The following CTNNA3 variants were observed in gnomAD, a reference collection of about 807,000 sequenced individuals.
CTNNA3 encodes the protein catenin alpha 3.
A neutral mutation model predicts 95.7 loss-of-function variants in CTNNA3; 76 were observed. The observed-to-expected ratio is 0.79, with a 90% CI of 0.66 to 0.96. CTNNA3 has a LOEUF of 0.96. Ranked by LOEUF, CTNNA3 falls within the 40% of genes least tolerant of loss-of-function variation. CTNNA3 has a pLI of 0.00. For synonymous variants in CTNNA3, 431 were observed against 374.4 expected (o/e 1.15, Z -1.74); for missense variants, 1,191 against 1,089.8 (o/e 1.09, Z -1.31).
At chr10:66,447,807 A>C (rs998855843) in intron 11 of CTNNA3, among the ~76,000 whole-genome samples, 1 of 152,160 alleles carries the variant, frequency 6.6e-6, no homozygotes, top group East Asian at 1.9e-4. Flanking sequence ...AATGGCAACA[A>C]AAGCCAAAAT....
intron 7 of CTNNA3, among the ~76,000 whole-genome samples, chr10:66,809,475 C>T (rs1156969295): frequency 2.0e-5 from 3 of 151,998 alleles, no homozygotes; most frequent in Non-Finnish European, 4.4e-5. Flanking sequence ...GATCTGGGAT[C>T]CTCACAAAAT....
At chr10:67,058,861 A>G (rs1469593630) in intron 7 of CTNNA3, among the ~76,000 whole-genome samples, 1 of 152,186 alleles carries the variant, frequency 6.6e-6, no homozygotes, top group South Asian at 2.1e-4. Context: ...AATTTCTAAG[A>G]TCATAAAATG....
Position 66,294,573 on chromosome 10 carries a change from G to A in CTNNA3, c.1733-13952C>T, listed in dbSNP as rs147810429. Reference sequence around the variant, plus strand: ...GGAAGACAAGTTAGGAGGTTTTAGAGTAGGCTAGAAGAAAAGAGTTCATAA... The same window carrying A: ...GGAAGACAAGTTAGGAGGTTTTAGAATAGGCTAGAAGAAAAGAGTTCATAA... On this transcript the variant is annotated intron_variant, in intron 12 of 17. Coordinates refer to ENST00000433211, the MANE Select transcript of CTNNA3 (RefSeq NM_013266.4). Among the ~76,000 whole-genome samples the A allele has an allele frequency of 1.5e-3, 224 of 152,304 alleles. 1 individual carries two copies. The highest frequency in any genetic ancestry group is 6.8e-3 in the Middle Eastern group (2 of 294).
intron 7 of CTNNA3, among the ~76,000 whole-genome samples, chr10:67,054,095 G>C (rs1228346396): frequency 1.3e-5 from 2 of 152,118 alleles, no homozygotes; most frequent in Non-Finnish European, 2.9e-5. Context: ...AAAGTAAGCA[G>C]CTTAGTATCC....
At chr10:66,591,397 T>C (rs568391135) in intron 10 of CTNNA3, among the ~76,000 whole-genome samples, 2 of 152,262 alleles carry the variant, frequency 1.3e-5, no homozygotes, top group South Asian at 4.1e-4. Flanking sequence ...ATCAGTGCAA[T>C]TACATATCAG....
intron 10 of CTNNA3, among the ~76,000 whole-genome samples, chr10:66,559,903 G>A (rs917434597): frequency 1.3e-5 from 2 of 151,902 alleles, no homozygotes; most frequent in African/African-American, 4.8e-5. Context: ...TAATATTTGG[G>A]AAGTGTCTGT....
At chr10:67,518,879 G>GTACC (rs1417714058) in intron 5 of CTNNA3, among the ~76,000 whole-genome samples, 1 of 152,080 alleles carries the variant, frequency 6.6e-6, no homozygotes, top group East Asian at 1.9e-4. Context: ...CTCCAAGACT[G>GTACC]TACCTGCCTT....
intron 5 of CTNNA3, among the ~76,000 whole-genome samples, chr10:67,396,967 G>C (rs966348267): frequency 1.3e-5 from 2 of 152,144 alleles, no homozygotes; most frequent in African/African-American, 4.8e-5. Flanking sequence ...CAGCCATTCT[G>C]AACCGTGAGT....
chr10:67,163,952 C>A (rs1564934762), intron 7 of CTNNA3, among the ~76,000 whole-genome samples: 3 of 151,764 alleles, frequency 2.0e-5, no homozygotes, highest in South Asian at 4.2e-4. Context: ...CTGAAAACTG[C>A]AAAATGCTGA....
chr10:66,446,331 A>C (rs1467309182), intron 11 of CTNNA3, among the ~76,000 whole-genome samples: 1 of 152,134 alleles, frequency 6.6e-6, no homozygotes, highest in African/African-American at 2.4e-5. Context: ...TTATGAGGCC[A>C]GCATCATCCT....
At chr10:67,112,113 A>G (rs1195032593) in intron 7 of CTNNA3, among the ~76,000 whole-genome samples, 1 of 152,166 alleles carries the variant, frequency 6.6e-6, no homozygotes, top group Non-Finnish European at 1.5e-5. Flanking sequence ...GGAAATAATG[A>G]ACAACTGATT....
chr10:65,985,788 A>C (rs1350703300), intron 16 of CTNNA3, among the ~76,000 whole-genome samples: 1 of 151,560 alleles, frequency 6.6e-6, no homozygotes, highest in Non-Finnish European at 1.5e-5. Context: ...CCATTAGCTA[A>C]GAGAAAGAAA....
chr10:67,724,697 C>T (rs2133622030), intron 1 of CTNNA3, among the ~76,000 whole-genome samples: 1 of 152,312 alleles, frequency 6.6e-6, no homozygotes, highest in East Asian at 1.9e-4. Context: ...TTTCAGCTTC[C>T]CTCTTCACAT....
At chr10:67,387,958 G>GA (rs1257984677) in intron 5 of CTNNA3, among the ~76,000 whole-genome samples, 1 of 151,904 alleles carries the variant, frequency 6.6e-6, no homozygotes, top group East Asian at 1.9e-4. Context: ...CAAAGATGGG[G>GA]AAAAAACAGA....
intron 5 of CTNNA3, among the ~76,000 whole-genome samples, chr10:67,234,547 G>A (rs1865366969): frequency 6.6e-6 from 1 of 152,188 alleles, no homozygotes; most frequent in South Asian, 2.1e-4. Context: ...CAAACCCACA[G>A]CCAATATCAT....
intron 12 of CTNNA3, among the ~76,000 whole-genome samples, chr10:66,307,130 T>G (rs1350648674): frequency 6.6e-6 from 1 of 152,152 alleles, no homozygotes; most frequent in Admixed American, 6.5e-5. Flanking sequence ...GTTATATAAC[T>G]AGTACAGAGC....
chr10:67,287,364 T>C (rs547402170), intron 5 of CTNNA3, among the ~76,000 whole-genome samples: 2 of 152,122 alleles, frequency 1.3e-5, no homozygotes, highest in South Asian at 4.2e-4. Flanking sequence ...GAAAAAACAT[T>C]CTTACAGATT....
chr10:67,230,901 G>T (rs1322188752), intron 5 of CTNNA3, among the ~76,000 whole-genome samples: 1 of 152,212 alleles, frequency 6.6e-6, no homozygotes, highest in Non-Finnish European at 1.5e-5. Flanking sequence ...CCTAGTCAAA[G>T]AGAGGGGTGA....
Position 66,999,045 on chromosome 10 carries a change from T to C in CTNNA3, c.1047+181272A>G, listed in dbSNP as rs532160767. ...GAAATGTATTTATTACTATTTTAGT[T>C]ATAAAGAAAACGGAAGACAGGGCAA... On this transcript the variant is annotated intron_variant, in intron 7 of 17. Transcript: ENST00000433211. 3.3e-5 allele frequency among the ~76,000 whole-genome samples: 5 copies of C among 152,254 alleles called. No individual in the cohort carries two copies. The South Asian group carries it at 8.3e-4, about 25-fold the overall frequency.
Sources: allele counts gnomAD v4.1 joint callset (sites outside exome capture counted in the v4.1 genomes callset), GRCh38; gene constraint gnomAD v4.1.1; transcripts MANE v1.5; gene names NCBI Gene and HGNC (gene_info 2026-07-23, HGNC 2026-07-21).